Variants in CLCN3 observed in about 807,000 individuals in gnomAD.
The protein encoded by CLCN3 is H(+)/Cl(-) exchange transporter 3.
A neutral mutation model predicts 83.4 loss-of-function variants in CLCN3; 16 were observed. The ratio of observed to expected loss-of-function variants is 0.19; its 90% CI spans 0.13 to 0.29. The LOEUF (loss-of-function observed/expected upper bound fraction) is 0.29. CLCN3 is among the 10% of genes least tolerant of loss of function. The pLI is 1.00. For missense variants in CLCN3, 544 were observed against 1,006.0 expected (o/e 0.54, Z 6.21); for synonymous variants, 322 against 346.2 (o/e 0.93, Z 0.78).
At chr4:169,712,731 G>A (rs1476402794) in intron 11 of CLCN3, among the ~76,000 whole-genome samples, 2 of 152,142 alleles carry the variant, frequency 1.3e-5, no homozygotes, top group African/African-American at 2.4e-5. Context: ...AATAAACTGC[G>A]CTCAGAATTT....
At chr4:169,625,064 T>G (rs1773198530) in intron 1 of CLCN3, among the ~76,000 whole-genome samples, 2 of 152,216 alleles carry the variant, frequency 1.3e-5, no homozygotes, top group African/African-American at 4.8e-5. Context: ...GTGCTGGAAT[T>G]ACAGGTGTGA....
intron 1 of CLCN3, among the ~76,000 whole-genome samples, chr4:169,627,976 G>T (rs1773276175): frequency 1.3e-5 from 2 of 152,140 alleles, no homozygotes; most frequent in South Asian, 2.1e-4. Flanking sequence ...ACAGAACAGA[G>T]AACTCTGAAA....
In CLCN3 at chr4:169,707,259, T is replaced by TG; in HGVS notation, c.2143dup (p.Ala715GlyfsTer42). ...TTGCCCTCAGAAGAGACCTGACAAT[T>TG]GCAATAGGTACCCTTTCAAAAATAT... On this transcript the variant is annotated frameshift_variant, in exon 11 of 13. Coordinates refer to ENST00000513761, the MANE Select transcript of CLCN3 (RefSeq NM_001829.4). LOFTEE classifies it high-confidence loss of function. 6.3e-7 allele frequency: 1 copy of TG among 1,597,170 alleles called. No homozygotes were observed. The highest frequency in any genetic ancestry group is 8.5e-7 in the Non-Finnish European group (1 of 1,172,810).
At chr4:169,645,806 A>G (rs1207918838) in intron 2 of CLCN3, among the ~76,000 whole-genome samples, 2 of 152,070 alleles carry the variant, frequency 1.3e-5, no homozygotes, top group East Asian at 3.9e-4. Context: ...TTACCTTACT[A>G]CTCAGTTAAA....
At chr4:169,710,424 A>G (rs1251376526) in intron 11 of CLCN3, among the ~76,000 whole-genome samples, 1 of 152,074 alleles carries the variant, frequency 6.6e-6, no homozygotes, top group African/African-American at 2.4e-5. Flanking sequence ...CGCCACCATG[A>G]CTGGCTAATT....
At chr4:169,678,569 T>G (rs1421171188) in intron 2 of CLCN3, among the ~76,000 whole-genome samples, 1 of 152,160 alleles carries the variant, frequency 6.6e-6, no homozygotes, top group Non-Finnish European at 1.5e-5. Flanking sequence ...CCTGCGGCCT[T>G]CCACAGTGTT....
At chr4:169,693,287 T>G (rs1014411193) in intron 7 of CLCN3, among the ~76,000 whole-genome samples, 2 of 152,222 alleles carry the variant, frequency 1.3e-5, no homozygotes, top group Non-Finnish European at 2.9e-5. Context: ...TACTTCAGAT[T>G]GTCGTAGTTT....
intron 2 of CLCN3, among the ~76,000 whole-genome samples, chr4:169,673,714 T>C (rs1731567181): frequency 6.6e-6 from 1 of 152,182 alleles, no homozygotes; most frequent in African/African-American, 2.4e-5. Context: ...TTACAGAAGT[T>C]TAAAAATAGT....
At chr4:169,710,006 A>C (rs1283711987) in intron 11 of CLCN3, among the ~76,000 whole-genome samples, 3 of 152,242 alleles carry the variant, frequency 2.0e-5, no homozygotes, top group South Asian at 2.1e-4. Context: ...CTGATGCAGG[A>C]GGATCCCTGG....
At chr4:169,642,387 G>A (rs953372458) in intron 2 of CLCN3, among the ~76,000 whole-genome samples, 6 of 152,192 alleles carry the variant, frequency 3.9e-5, no homozygotes, top group African/African-American at 1.4e-4. Flanking sequence ...CTAATATTAA[G>A]ATAAATCTCC....
intron 1 of CLCN3, among the ~76,000 whole-genome samples, chr4:169,621,502 G>A (rs1037129889): frequency 8.5e-5 from 13 of 152,200 alleles, no homozygotes; most frequent in African/African-American, 2.9e-4. Flanking sequence ...GACTTTGCAT[G>A]TGGTATGCTT....
chr4:169,666,303 T>TG (rs1339335045), intron 2 of CLCN3, among the ~76,000 whole-genome samples: 1 of 152,210 alleles, frequency 6.6e-6, no homozygotes, highest in Non-Finnish European at 1.5e-5. Flanking sequence ...ACTTCATGTT[T>TG]GAAAAACATT....
At chr4:169,706,823 T>G in intron 10 of CLCN3, 45 bp from the exon 11 acceptor site, 2 of 1,526,170 alleles carry the variant, frequency 1.3e-6, no homozygotes, top group African/African-American at 2.8e-5. Flanking sequence ...AATGTAATGA[T>G]GAGGATCCTG....
At chr4:169,708,233 C>CCAGA (rs1733066440) in intron 11 of CLCN3, among the ~76,000 whole-genome samples, 1 of 152,070 alleles carries the variant, frequency 6.6e-6, no homozygotes, top group African/African-American at 2.4e-5. Flanking sequence ...TGGCACAAGA[C>CCAGA]CAGACAGTGT....
Position 169,689,178 on chromosome 4 carries a change from A to G in CLCN3, c.554A>G (p.Asp185Gly). The change falls in exon 5 of 13, where the codon GAT (aspartate) becomes GGT (glycine). Residue 185 changes from aspartate to glycine, a missense_variant. Coordinates refer to ENST00000513761, the MANE Select transcript of CLCN3 (RefSeq NM_001829.4). ...AATGAAACAACATTTGAAGAGAGGG[A>G]TAAATGTCCACAGTGGAAAACATGG... ...GSNETTFEER[D>G]KCPQWKTWAE... The G allele has an allele frequency of 6.2e-7, 1 of 1,613,988 alleles. No homozygotes were observed. Among genetic ancestry groups the G allele is most frequent in the Non-Finnish European group, 8.5e-7 (1 of 1,179,934 alleles).
chr4:169,638,420 C>T (rs1258145358), intron 2 of CLCN3, among the ~76,000 whole-genome samples: 1 of 152,064 alleles, frequency 6.6e-6, no homozygotes, highest in African/African-American at 2.4e-5. Context: ...GTTCTGGCTC[C>T]CTTGGATATT....
chr4:169,663,547 C>T (rs1451032154), intron 2 of CLCN3: 1 of 363,442 alleles, frequency 2.8e-6, no homozygotes, highest in South Asian at 2.0e-5. Flanking sequence ...ACTATGTTGT[C>T]CAGGCTGGTC....
chr4:169,645,867 G>C (rs1157029637), intron 2 of CLCN3, among the ~76,000 whole-genome samples: 1 of 152,112 alleles, frequency 6.6e-6, no homozygotes, highest in Non-Finnish European at 1.5e-5. Flanking sequence ...TATTGTGCTT[G>C]CATTCTTGAC....
chr4:169,679,376 G>A (rs1449791473), intron 2 of CLCN3, among the ~76,000 whole-genome samples: 1 of 150,806 alleles, frequency 6.6e-6, no homozygotes, highest in African/African-American at 2.4e-5. Context: ...ATGGGATGGC[G>A]GCCGGGAAGA....
Sources: allele counts gnomAD v4.1 joint callset (sites outside exome capture counted in the v4.1 genomes callset), GRCh38; gene constraint gnomAD v4.1.1; transcripts MANE v1.5; gene names NCBI Gene and HGNC (gene_info 2026-07-23, HGNC 2026-07-21).